The following COL25A1 variants were observed in gnomAD, a reference collection of about 807,000 sequenced individuals.
COL25A1 encodes the protein collagen alpha-1(XXV) chain.
COL25A1 carries 103 observed loss-of-function variants against 128.4 expected under a neutral mutation model. The observed-to-expected ratio is 0.80, with a 90% CI of 0.68 to 0.94. COL25A1 has a LOEUF of 0.94. COL25A1 is among the 40% of genes least tolerant of loss of function. The probability of loss-of-function intolerance (pLI) is 0.00; values close to 1 mark genes in which losing one functional copy is unlikely to be tolerated. For synonymous variants in COL25A1, 279 were observed against 277.2 expected, an observed-to-expected ratio of 1.01 and a Z score of -0.06; for missense variants, 745 against 840.0, an observed-to-expected ratio of 0.89 and a Z score of 1.40.
intron 3 of COL25A1, among the ~76,000 whole-genome samples, chr4:109,071,349 A>T (rs12640853): frequency 0.11 from 17,474 of 152,042 alleles, 1,273 homozygotes; most frequent in African/African-American, 0.21. Flanking sequence ...AAACCCTAGA[A>T]GAAAACCTAG....
chr4:108,845,697 CAGTT>C (rs1451779361), intron 28 of COL25A1, among the ~76,000 whole-genome samples: 1 of 152,152 alleles, frequency 6.6e-6, no homozygotes, highest in Non-Finnish European at 1.5e-5. Context: ...TCCAAATTCT[CAGTT>C]AGAATTACGG....
intron 3 of COL25A1, among the ~76,000 whole-genome samples, chr4:109,148,591 T>C (rs1295030692): frequency 6.6e-6 from 1 of 152,172 alleles, no homozygotes; most frequent in Non-Finnish European, 1.5e-5. Flanking sequence ...CAGGAGCTGA[T>C]CACCTATCTC....
intron 8 of COL25A1, among the ~76,000 whole-genome samples, chr4:108,955,188 G>A (rs545516075): frequency 3.9e-5 from 6 of 152,030 alleles, no homozygotes; most frequent in Non-Finnish European, 4.4e-5. Context: ...TGGGTGATAC[G>A]GGATTTTAGC....
At chr4:109,099,838 G>C (rs1015855095) in intron 3 of COL25A1, among the ~76,000 whole-genome samples, 4 of 151,954 alleles carry the variant, frequency 2.6e-5, no homozygotes, top group African/African-American at 9.7e-5. Flanking sequence ...CACGAAAAAG[G>C]CCAATAGACA....
chr4:108,870,447 GAA>G (rs370404159), intron 19 of COL25A1, among the ~76,000 whole-genome samples: 40 of 131,862 alleles, frequency 3.0e-4, no homozygotes, highest in African/African-American at 4.0e-4. Context: ...ACTGATCTAA[GAA>G]AAAAAAAAAA....
intron 20 of COL25A1, among the ~76,000 whole-genome samples, chr4:108,864,018 A>AT (rs1737583443): frequency 6.6e-6 from 1 of 152,176 alleles, no homozygotes; most frequent in Non-Finnish European, 1.5e-5. Flanking sequence ...CTCAGCCTCT[A>AT]TAATTGTATG....
intron 5 of COL25A1, chr4:109,021,646 C>G (rs1251944298): frequency 2.3e-6 from 1 of 427,990 alleles, no homozygotes; most frequent in Non-Finnish European, 4.6e-6. Context: ...TGGGGTCGGG[C>G]AAAAAGAGCC....
At chr4:109,019,375 C>CACATATATATATATATATAT (rs1338511772) in intron 5 of COL25A1, among the ~76,000 whole-genome samples, 113 of 48,782 alleles carry the variant, frequency 2.3e-3, no homozygotes, top group Admixed American at 5.1e-3. Context: ...CACACACACA[C>CACATATATATATATATATAT]ATATATATAT....
chr4:109,258,512 C>T (rs1781226384), intron 3 of COL25A1, among the ~76,000 whole-genome samples: 1 of 152,122 alleles, frequency 6.6e-6, no homozygotes, highest in South Asian at 2.1e-4. Flanking sequence ...ACACTTGGAA[C>T]AGTGCCTGCA....
chr4:108,922,012 G>A (rs1382862620), intron 11 of COL25A1, among the ~76,000 whole-genome samples: 1 of 152,100 alleles, frequency 6.6e-6, no homozygotes, highest in Non-Finnish European at 1.5e-5. Context: ...ATCAGAGGAA[G>A]AAGAGCCCCT....
intron 3 of COL25A1, among the ~76,000 whole-genome samples, chr4:109,154,356 TG>T (rs1771829994): frequency 1.3e-5 from 2 of 152,170 alleles, no homozygotes; most frequent in African/African-American, 4.8e-5. Flanking sequence ...TTATGTACAG[TG>T]TTATCCAAGG....
intron 6 of COL25A1, among the ~76,000 whole-genome samples, chr4:108,995,146 A>G (rs1051460889): frequency 2.0e-5 from 3 of 152,212 alleles, no homozygotes; most frequent in Non-Finnish European, 4.4e-5. Flanking sequence ...TAGGCTTCAG[A>G]AGGTTGGTAA....
At chr4:109,151,802 C>T (rs1186484463) in intron 3 of COL25A1, among the ~76,000 whole-genome samples, 1 of 152,150 alleles carries the variant, frequency 6.6e-6, no homozygotes, top group Non-Finnish European at 1.5e-5. Context: ...CAACCTTTAT[C>T]TGATCTGATT....
chr4:109,033,754 ATTTAT>A (rs1037410714), intron 5 of COL25A1, among the ~76,000 whole-genome samples: 10 of 152,168 alleles, frequency 6.6e-5, no homozygotes, highest in African/African-American at 2.4e-4. Flanking sequence ...AAAAAAGCTA[ATTTAT>A]TTTGACAGTA....
chr4:109,146,244 C>T (rs928232138), intron 3 of COL25A1, among the ~76,000 whole-genome samples: 12 of 152,000 alleles, frequency 7.9e-5, no homozygotes, highest in South Asian at 2.1e-4. Flanking sequence ...CATTTTGAGA[C>T]GCTCTCATTA....
intron 5 of COL25A1, among the ~76,000 whole-genome samples, chr4:109,044,588 T>C (rs1304250729): frequency 6.6e-6 from 1 of 152,114 alleles, no homozygotes; most frequent in Non-Finnish European, 1.5e-5. Context: ...CTTTCTAATC[T>C]GTCTGTACAC....
chr4:109,171,793 G>A lies in COL25A1; in HGVS notation c.368-121614C>T, dbSNP rs189091597. ...GAAATGCATGCAAATAAGATAATCCGTTTTCTACAGATGATGAATATCCAG... is the reference window on the plus strand; with the variant it reads ...GAAATGCATGCAAATAAGATAATCCATTTTCTACAGATGATGAATATCCAG... On this transcript the variant is annotated intron_variant, in intron 3 of 37. Transcript: ENST00000399132. Among the ~76,000 whole-genome samples, 27 of 152,254 alleles carry A rather than the reference G, an allele frequency of 1.8e-4. No individual in the cohort carries two copies. The East Asian group carries it at 3.9e-3, about 22-fold the overall frequency.
At chr4:109,136,648 G>A (rs758115190) in intron 3 of COL25A1, among the ~76,000 whole-genome samples, 1 of 152,232 alleles carries the variant, frequency 6.6e-6, no homozygotes, top group African/African-American at 2.4e-5. Flanking sequence ...TGGTGTGAAT[G>A]GAAAACTGGC....
intron 3 of COL25A1, among the ~76,000 whole-genome samples, chr4:109,191,005 T>G (rs1280491106): frequency 6.6e-6 from 1 of 152,224 alleles, no homozygotes; most frequent in African/African-American, 2.4e-5. Context: ...CTATCACTCT[T>G]CTGGTCTATA....
Sources: allele counts gnomAD v4.1 joint callset (sites outside exome capture counted in the v4.1 genomes callset), GRCh38; gene constraint gnomAD v4.1.1; transcripts MANE v1.5; gene names NCBI Gene and HGNC (gene_info 2026-07-23, HGNC 2026-07-21).